AGBL4: variants seen among roughly 807,000 people sequenced by gnomAD.
AGBL4 encodes the protein cytosolic carboxypeptidase 6.
AGBL4 carries 58 observed loss-of-function variants against 66.4 expected under a neutral mutation model. The ratio of observed to expected loss-of-function variants is 0.87; its 90% confidence interval spans 0.71 to 1.09. The LOEUF (loss-of-function observed/expected upper bound fraction) is 1.09. Ranked by LOEUF, AGBL4 falls within the 50% of genes least tolerant of loss-of-function variation. AGBL4 has a pLI of 0.00. For synonymous variants in AGBL4, 234 were observed against 222.9 expected (o/e 1.05, Z -0.44); for missense variants, 579 against 631.0 (o/e 0.92, Z 0.88).
intron 2 of AGBL4, among the ~76,000 whole-genome samples, chr1:49,825,102 G>A (rs1645473502): frequency 6.6e-6 from 1 of 152,134 alleles, no homozygotes; most frequent in South Asian, 2.1e-4. Flanking sequence ...AGAATATAGT[G>A]AGCAACTCAA....
Position 49,072,058 on chromosome 1 carries a change from A to G in AGBL4, c.378-26258T>C, listed in dbSNP as rs138023559. Among the ~76,000 whole-genome samples, 12 of 152,120 alleles carry G rather than the reference A, an allele frequency of 7.9e-5. 1 individual carries two copies. The South Asian group carries it at 1.7e-3, about 21-fold the overall frequency. ...TAAAGTCTGTTTATCAGAGACTAGG[A>G]CTGCAACACCTGCTTTTCTTTGCTT... On this transcript the variant is annotated intron_variant, in intron 4 of 13. Coordinates refer to ENST00000371839, the MANE Select transcript of AGBL4 (RefSeq NM_032785.4).
At chr1:49,951,615 C>A (rs1433273061) in intron 1 of AGBL4, among the ~76,000 whole-genome samples, 1 of 151,930 alleles carries the variant, frequency 6.6e-6, no homozygotes, top group Non-Finnish European at 1.5e-5. Context: ...TCCTCAACCT[C>A]CCTGAATATT....
chr1:49,361,036 G>A (rs1297490201), intron 3 of AGBL4, among the ~76,000 whole-genome samples: 1 of 152,114 alleles, frequency 6.6e-6, no homozygotes, highest in African/African-American at 2.4e-5. Flanking sequence ...GATCTCAGGT[G>A]ATCTGCCCAC....
At chr1:48,818,595 C>T (rs2148767138) in intron 6 of AGBL4, among the ~76,000 whole-genome samples, 1 of 152,204 alleles carries the variant, frequency 6.6e-6, no homozygotes, top group Middle Eastern at 3.4e-3. Flanking sequence ...CTTAAACGTT[C>T]AACCAAACAG....
intron 2 of AGBL4, among the ~76,000 whole-genome samples, chr1:49,751,815 G>A (rs762211866): frequency 6.6e-6 from 1 of 152,122 alleles, no homozygotes; most frequent in Non-Finnish European, 1.5e-5. Context: ...GGTGATGTAT[G>A]TGTCCAGGAA....
chr1:48,972,215 G>A (rs1658965164), intron 5 of AGBL4, among the ~76,000 whole-genome samples: 3 of 152,128 alleles, frequency 2.0e-5, no homozygotes, highest in African/African-American at 7.2e-5. Context: ...TGGAAAGCTG[G>A]ACTGAGGGCA....
chr1:49,194,320 T>C (rs969666453), intron 4 of AGBL4, among the ~76,000 whole-genome samples: 5 of 152,180 alleles, frequency 3.3e-5, no homozygotes, highest in Non-Finnish European at 5.9e-5. Context: ...TTTTATTTGA[T>C]ATAAGAAGAG....
chr1:49,262,616 A>G (rs990795253), intron 3 of AGBL4, among the ~76,000 whole-genome samples: 1 of 148,168 alleles, frequency 6.7e-6, no homozygotes, highest in African/African-American at 2.5e-5. Context: ...ATACCATCTC[A>G]CACCAGTTAG....
At chr1:48,584,641 AGGAG>A (rs1644790653) in intron 11 of AGBL4, 5 of 152,474 alleles carry the variant, frequency 3.3e-5, no homozygotes, top group Admixed American at 3.3e-4. Context: ...GCTTGAACCC[AGGAG>A]GCAGAAGTTG....
chr1:49,557,437 G>A (rs1207421214), intron 3 of AGBL4, among the ~76,000 whole-genome samples: 1 of 152,094 alleles, frequency 6.6e-6, no homozygotes, highest in African/African-American at 2.4e-5. Flanking sequence ...CAACCTGGCA[G>A]CAGCAGCATA....
chr1:49,705,644 T>C (rs531388141), intron 2 of AGBL4, among the ~76,000 whole-genome samples: 1 of 152,234 alleles, frequency 6.6e-6, no homozygotes, highest in Non-Finnish European at 1.5e-5. Flanking sequence ...CGTTTCCAGC[T>C]TTTGGTCATT....
intron 4 of AGBL4, among the ~76,000 whole-genome samples, chr1:49,215,608 C>T (rs1649024814): frequency 6.6e-6 from 1 of 152,074 alleles, no homozygotes. Context: ...TTCACATTCT[C>T]TTCCCATATC....
intron 6 of AGBL4, among the ~76,000 whole-genome samples, chr1:48,845,532 C>T (rs1646890441): frequency 6.6e-6 from 1 of 152,302 alleles, no homozygotes; most frequent in South Asian, 2.1e-4. Context: ...TAAGGGGATT[C>T]AGAGTAAAGT....
At chr1:49,162,529 C>T (rs1646559505) in intron 4 of AGBL4, among the ~76,000 whole-genome samples, 1 of 152,094 alleles carries the variant, frequency 6.6e-6, no homozygotes, top group African/African-American at 2.4e-5. Context: ...AAAAATAAAT[C>T]CACAACTTAG....
chr1:49,869,367 G>T (rs547450322), intron 1 of AGBL4, among the ~76,000 whole-genome samples: 2 of 152,206 alleles, frequency 1.3e-5, no homozygotes, highest in East Asian at 3.9e-4. Flanking sequence ...ATGATAGACT[G>T]GATAAAGAAA....
intron 3 of AGBL4, among the ~76,000 whole-genome samples, chr1:49,329,305 T>TCAAAACAAAA (rs1246070110): frequency 6.6e-6 from 1 of 151,746 alleles, no homozygotes; most frequent in Non-Finnish European, 1.5e-5. Context: ...AGATTCCGTC[T>TCAAAACAAAA]CAAAACAAAA....
intron 3 of AGBL4, among the ~76,000 whole-genome samples, chr1:49,569,891 C>A (rs1184366785): frequency 1.4e-4 from 21 of 152,148 alleles, no homozygotes; most frequent in Admixed American, 1.4e-3. Flanking sequence ...CAGTTCCATA[C>A]ATGCTGCAGC....
chr1:48,816,081 GTGTGTGTGTGT>G (rs1301531694), intron 6 of AGBL4, among the ~76,000 whole-genome samples: 8 of 148,686 alleles, frequency 5.4e-5, no homozygotes, highest in Admixed American at 1.4e-4. Flanking sequence ...GTGTGTGTGT[GTGTGTGTGTGT>G]AGAGAGAAAG....
chr1:49,212,188 T>C (rs1648725426), intron 4 of AGBL4, among the ~76,000 whole-genome samples: 1 of 151,958 alleles, frequency 6.6e-6, no homozygotes, highest in Non-Finnish European at 1.5e-5. Flanking sequence ...TCAGAGAAAA[T>C]TACACTGGCA....
Sources: allele counts gnomAD v4.1 joint callset (sites outside exome capture counted in the v4.1 genomes callset), GRCh38; gene constraint gnomAD v4.1.1; transcripts MANE v1.5; gene names NCBI Gene and HGNC (gene_info 2026-07-23, HGNC 2026-07-21).